Variants in VWA3B observed in about 807,000 individuals in gnomAD.
VWA3B encodes the protein von Willebrand factor A domain-containing protein 3B.
Under a neutral mutation model 158.3 loss-of-function variants are expected in VWA3B, and 138 were observed. The observed-to-expected ratio is 0.87, with a 90% CI of 0.76 to 1.00. The LOEUF (loss-of-function observed/expected upper bound fraction) is 1.00, where lower values mean the gene tolerates loss of function less well. VWA3B is among the 50% of genes least tolerant of loss of function. The probability of loss-of-function intolerance (pLI) is 0.00; values close to 1 mark genes in which losing one functional copy is unlikely to be tolerated. For missense variants in VWA3B, 1,555 were observed against 1,565.1 expected, an observed-to-expected ratio of 0.99 and a Z score of 0.11; for synonymous variants, 596 against 587.3, an observed-to-expected ratio of 1.01 and a Z score of -0.21.
At chr2:98,284,524 A>G (rs1002613978) in intron 22 of VWA3B, among the ~76,000 whole-genome samples, 1 of 152,218 alleles carries the variant, frequency 6.6e-6, no homozygotes, top group Non-Finnish European at 1.5e-5. Flanking sequence ...TAAATTAGAG[A>G]CTTTCTTAAG....
rs1558699784 is a variant in VWA3B, at chr2:98,228,272, T to C, written c.2090T>C (p.Leu697Pro). Reference sequence around the variant, plus strand: ...AGTGATCTGGAGAAGATGCAAGACCTTTATTCTGAGTCCTTGATCATGGAC... The same window carrying C: ...AGTGATCTGGAGAAGATGCAAGACCCTTATTCTGAGTCCTTGATCATGGAC... Reference protein sequence around the residue: ...GHSDLEKMQDLYSESLIMDWW... With the variant: ...GHSDLEKMQDPYSESLIMDWW... Residue 697 changes from leucine to proline, a missense_variant, in exon 15 of 28, where the codon CTT becomes CCT. By Grantham distance (98) the Leu-to-Pro change is moderately conservative (BLOSUM62 -3). Coordinates refer to ENST00000477737, the MANE Select transcript of VWA3B (RefSeq NM_144992.5). The C allele has an allele frequency of 4.3e-6, 7 of 1,614,078 alleles. No homozygotes were observed. The highest frequency in any genetic ancestry group is 5.9e-6 in the Non-Finnish European group (7 of 1,180,010).
chr2:98,098,768 T>C (rs1046193457), intron 2 of VWA3B, among the ~76,000 whole-genome samples: 4 of 152,154 alleles, frequency 2.6e-5, no homozygotes, highest in African/African-American at 9.6e-5. Context: ...TTTCTAGTTG[T>C]TTAGTGGATC....
intron 12 of VWA3B, among the ~76,000 whole-genome samples, chr2:98,209,792 T>G (rs1683350236): frequency 6.6e-6 from 1 of 152,234 alleles, no homozygotes; most frequent in Non-Finnish European, 1.5e-5. Context: ...TGAGTGATTT[T>G]TAAATTATAT....
chr2:98,306,415 C>T (rs1202231033), intron 26 of VWA3B, among the ~76,000 whole-genome samples: 2 of 152,084 alleles, frequency 1.3e-5, no homozygotes, highest in East Asian at 3.8e-4. Flanking sequence ...AGATGCCCAG[C>T]GATGCTCCTC....
In VWA3B at chr2:98,293,351, T is replaced by C. The variant is rs564955216; in HGVS notation, c.3157+2729T>C. Among the ~76,000 whole-genome samples, 8 of 152,310 alleles carry C rather than the reference T, an allele frequency of 5.3e-5. No homozygotes were observed. The East Asian group carries it at 9.6e-4, about 18-fold the overall frequency. On this transcript the variant is annotated intron_variant, in intron 23 of 27. Transcript: ENST00000477737. ...GAATTTAGTCATATAAGCGGTAATT[T>C]TGATTAGTGTCTAAGTAGTAAACTT...
intron 21 of VWA3B, among the ~76,000 whole-genome samples, chr2:98,265,614 G>A (rs1381468543): frequency 1.1e-4 from 16 of 147,188 alleles, no homozygotes; most frequent in Admixed American, 2.7e-4. Context: ...CTGAGGAATC[G>A]CCACACTGAC....
chr2:98,208,645 C>A (rs968895145), intron 12 of VWA3B, among the ~76,000 whole-genome samples: 1 of 152,124 alleles, frequency 6.6e-6, no homozygotes, highest in African/African-American at 2.4e-5. Flanking sequence ...TTAAGTGTAG[C>A]AACCTTACTT....
At chr2:98,179,638 C>G (rs764397704) in intron 8 of VWA3B, among the ~76,000 whole-genome samples, 1 of 152,112 alleles carries the variant, frequency 6.6e-6, no homozygotes, top group Non-Finnish European at 1.5e-5. Context: ...TACCTTCCTT[C>G]CTTTCTTCCT....
intron 23 of VWA3B, among the ~76,000 whole-genome samples, chr2:98,294,446 G>T (rs1381149043): frequency 6.6e-6 from 1 of 152,240 alleles, no homozygotes; most frequent in Non-Finnish European, 1.5e-5. Flanking sequence ...ACTGGCTGTT[G>T]CCACTGTTGT....
At chr2:98,194,746 T>A (rs1681900961) in intron 12 of VWA3B, among the ~76,000 whole-genome samples, 1 of 152,208 alleles carries the variant, frequency 6.6e-6, no homozygotes, top group African/African-American at 2.4e-5. Flanking sequence ...TTGGCTCAGG[T>A]TGAAGCCCCC....
intron 9 of VWA3B, among the ~76,000 whole-genome samples, chr2:98,184,516 T>G (rs1680854723): frequency 6.6e-6 from 1 of 152,224 alleles, no homozygotes; most frequent in Non-Finnish European, 1.5e-5. Flanking sequence ...GTCTACTGAG[T>G]CCACTCGTTC....
intron 8 of VWA3B, among the ~76,000 whole-genome samples, chr2:98,167,406 A>G (rs532355295): frequency 1.3e-5 from 2 of 152,196 alleles, no homozygotes; most frequent in African/African-American, 4.8e-5. Flanking sequence ...AATGGTTTGT[A>G]GGATGCTGAA....
chr2:98,233,646 A>G (rs761000755), intron 16 of VWA3B, among the ~76,000 whole-genome samples: 3 of 152,212 alleles, frequency 2.0e-5, no homozygotes, highest in Non-Finnish European at 4.4e-5. Context: ...TGATTACCGT[A>G]TAGCACACTC....
the VWA3B span, among the ~76,000 whole-genome samples, chr2:98,329,353 G>T: frequency 3.3e-5 from 5 of 152,036 alleles, no homozygotes; most frequent in African/African-American, 4.8e-5. Context: ...ATTAAAATTC[G>T]AAACTTCTAC....
chr2:98,203,103 T>G (rs575998804), intron 12 of VWA3B, among the ~76,000 whole-genome samples: 1 of 152,356 alleles, frequency 6.6e-6, no homozygotes, highest in South Asian at 2.1e-4. Flanking sequence ...AGTGCTGGGA[T>G]TACAGGCGTG....
At chr2:98,256,628 A>G (rs777332258) in intron 21 of VWA3B, among the ~76,000 whole-genome samples, 4 of 152,162 alleles carry the variant, frequency 2.6e-5, no homozygotes, top group East Asian at 1.9e-4. Context: ...TTTCGCTATC[A>G]TGAACTATGT....
chr2:98,264,446 C>G (rs1000140442), intron 21 of VWA3B, among the ~76,000 whole-genome samples: 8 of 152,082 alleles, frequency 5.3e-5, no homozygotes, highest in Non-Finnish European at 1.0e-4. Context: ...AAGATATCTT[C>G]TAATTTCCCT....
At chr2:98,215,655 C>G (rs1367822163) in intron 13 of VWA3B, among the ~76,000 whole-genome samples, 2 of 151,714 alleles carry the variant, frequency 1.3e-5, no homozygotes, top group Non-Finnish European at 2.9e-5. Context: ...GCAGCTGGGA[C>G]TACAGGCTCA....
intron 5 of VWA3B, among the ~76,000 whole-genome samples, chr2:98,122,323 G>C (rs1457532638): frequency 6.6e-6 from 1 of 152,164 alleles, no homozygotes; most frequent in Non-Finnish European, 1.5e-5. Flanking sequence ...TGGGGTTTCT[G>C]TAGGTTTCAG....
Sources: gnomAD v4.1 joint callset for allele counts (sites outside exome capture counted in the v4.1 genomes callset) on GRCh38, gnomAD v4.1.1 for gene constraint, MANE v1.5 for transcripts, NCBI Gene and HGNC (gene_info 2026-07-23, HGNC 2026-07-21) for gene names.